TBCK: variants seen among roughly 807,000 people sequenced by gnomAD.
TBCK encodes the protein TBC1 domain containing kinase.
A neutral mutation model predicts 113.4 loss-of-function variants in TBCK; 99 were observed. That is an observed-to-expected ratio of 0.87 (90% CI 0.74 to 1.03). The LOEUF is 1.03. Ranked by LOEUF, TBCK falls within the 50% of genes least tolerant of loss-of-function variation. The pLI, the probability that TBCK is intolerant of heterozygous loss-of-function variation, is 0.00. For synonymous variants in TBCK, 369 were observed against 370.8 expected, an observed-to-expected ratio of 1.00 and a Z score of 0.05; for missense variants, 1,045 against 1,061.3, an observed-to-expected ratio of 0.98 and a Z score of 0.21.
rs1746464894 is a variant in TBCK, at chr4:106,135,620, A to G, written c.2236-19242T>C. Among the ~76,000 whole-genome samples the G allele has an allele frequency of 2.1e-5, 3 of 141,828 alleles. 1 individual carries two copies. The highest frequency in any genetic ancestry group is 4.8e-5 in the Non-Finnish European group (3 of 62,456). The allele number at this position is 141,828 out of a possible 152,430, so 93.0% of individuals were successfully genotyped here. On this transcript the variant is annotated intron_variant, in intron 23 of 25. Transcript: ENST00000394708. ...TAGGGTTTGGAAAAGAAGAAAAGAGAAGGAAGACTGTTGTAGAAGTGGGTT... is the reference window on the plus strand; with the variant it reads ...TAGGGTTTGGAAAAGAAGAAAAGAGGAGGAAGACTGTTGTAGAAGTGGGTT...
intron 25 of TBCK, among the ~76,000 whole-genome samples, chr4:106,072,825 T>C (rs1259901963): frequency 1.3e-5 from 2 of 152,120 alleles, no homozygotes; most frequent in Non-Finnish European, 2.9e-5. Flanking sequence ...AAACTTCTCT[T>C]CTCTCTTCAT....
intron 25 of TBCK, among the ~76,000 whole-genome samples, chr4:106,070,565 G>C (rs1003919335): frequency 6.6e-6 from 1 of 151,964 alleles, no homozygotes; most frequent in Admixed American, 6.6e-5. Flanking sequence ...GAGGATTTTC[G>C]CATGGGTGTT....
At chr4:106,158,261 T>C (rs373571650) in intron 23 of TBCK, among the ~76,000 whole-genome samples, 40 of 152,190 alleles carry the variant, frequency 2.6e-4, no homozygotes, top group African/African-American at 8.9e-4. Context: ...CAGAAAATTG[T>C]ACAACAGGCC....
At chr4:106,113,768 G>T (rs1171134841) in intron 24 of TBCK, among the ~76,000 whole-genome samples, 6 of 152,172 alleles carry the variant, frequency 3.9e-5, no homozygotes, top group Non-Finnish European at 8.8e-5. Flanking sequence ...CAGATAATTT[G>T]TTCCTTCCTA....
upstream of TBCK, chr4:106,316,379 T>C (rs950966425): frequency 5.8e-5 from 37 of 638,018 alleles, no homozygotes; most frequent in Non-Finnish European, 6.9e-5. Flanking sequence ...TTGAAAATAC[T>C]GGGTGAGGGA....
chr4:106,149,031 C>T (rs1023726633), intron 23 of TBCK, among the ~76,000 whole-genome samples: 1 of 152,210 alleles, frequency 6.6e-6, no homozygotes, highest in Non-Finnish European at 1.5e-5. Flanking sequence ...GTTTTGAAGA[C>T]AGTTCTTTTC....
At chr4:106,298,392 G>A (rs1465908970) in intron 2 of TBCK, among the ~76,000 whole-genome samples, 1 of 151,778 alleles carries the variant, frequency 6.6e-6, no homozygotes, top group Non-Finnish European at 1.5e-5. Flanking sequence ...CGGATCACGA[G>A]GTCAGGAGAC....
chr4:106,077,142 G>C (rs1033253220), intron 25 of TBCK, among the ~76,000 whole-genome samples: 7 of 152,046 alleles, frequency 4.6e-5, no homozygotes, highest in African/African-American at 7.2e-5. Flanking sequence ...GATAGCAGTA[G>C]ACCTGTTTTA....
intron 18 of TBCK, 40 bp downstream of exon 18, chr4:106,231,689 T>C (rs755490388): frequency 1.3e-6 from 2 of 1,555,410 alleles, no homozygotes; most frequent in Non-Finnish European, 1.8e-6. Context: ...TATTTTAGAA[T>C]ATTATGCGCA....
chr4:106,281,501 T>C (rs1764591186), intron 3 of TBCK, among the ~76,000 whole-genome samples: 1 of 152,128 alleles, frequency 6.6e-6, no homozygotes, highest in Non-Finnish European at 1.5e-5. Context: ...TTCCAGATCT[T>C]AGTAAAAAGG....
chr4:106,125,941 T>C (rs901997095), intron 23 of TBCK, among the ~76,000 whole-genome samples: 1 of 152,206 alleles, frequency 6.6e-6, no homozygotes, highest in Non-Finnish European at 1.5e-5. Flanking sequence ...ACTTATGGAG[T>C]AAATCTATAT....
intron 23 of TBCK, among the ~76,000 whole-genome samples, chr4:106,142,111 A>G (rs1747201078): frequency 6.9e-6 from 1 of 144,030 alleles, no homozygotes; most frequent in East Asian, 2.0e-4. Flanking sequence ...TGATAAGTAT[A>G]AAAGTTTAAA....
chr4:106,264,727 T>C (rs183289708), intron 3 of TBCK, among the ~76,000 whole-genome samples: 1 of 152,166 alleles, frequency 6.6e-6, no homozygotes, highest in African/African-American at 2.4e-5. Context: ...ACTCTATTTA[T>C]GAAGATTATC....
At chr4:106,220,504 A>G (rs896851210) in intron 19 of TBCK, among the ~76,000 whole-genome samples, 4 of 152,096 alleles carry the variant, frequency 2.6e-5, no homozygotes, top group Admixed American at 2.0e-4. Flanking sequence ...TACATGTCAC[A>G]TATCCTACAC....
chr4:106,152,924 C>T (rs1403238153), intron 23 of TBCK, among the ~76,000 whole-genome samples: 3 of 151,998 alleles, frequency 2.0e-5, no homozygotes, highest in Non-Finnish European at 4.4e-5. Context: ...GTAGTAATGT[C>T]TCCTTTTAAA....
rs1762560983 is a variant in TBCK at position 106,262,097 on chromosome 4, C to T, written c.381+1G>A. On this transcript the variant is annotated splice_donor_variant, in intron 4 of 25. Transcript: ENST00000394708. LOFTEE classifies it high-confidence loss of function. ...TATTTATTACATGATTTAACAATTACCTTTCGGTCCAACAGGATATTATGA... is the reference window on the plus strand; with the variant it reads ...TATTTATTACATGATTTAACAATTATCTTTCGGTCCAACAGGATATTATGA... 1.1e-5 allele frequency: 16 copies of T among 1,499,646 alleles called. No homozygotes were observed. The highest frequency in any genetic ancestry group is 5.0e-5 in the East Asian group (2 of 40,320). The allele number at this position is 1,499,646 out of a possible 1,614,324, so 92.9% of individuals were successfully genotyped here.
chr4:106,096,626 G>C (rs544549984), intron 24 of TBCK, among the ~76,000 whole-genome samples: 19 of 152,324 alleles, frequency 1.2e-4, no homozygotes, highest in African/African-American at 4.1e-4. Flanking sequence ...CCTGAGGAAA[G>C]GGTGAGCCTA....
chr4:106,309,063 A>T, intron 1 of TBCK, 74 bp from the exon 2 acceptor site: 1 of 1,025,362 alleles, frequency 9.8e-7, no homozygotes, highest in Non-Finnish European at 1.4e-6. Context: ...TGATTAACAT[A>T]CAACTTGGAG....
intron 24 of TBCK, among the ~76,000 whole-genome samples, chr4:106,099,849 GA>G (rs1300306404): frequency 1.3e-5 from 2 of 152,226 alleles, no homozygotes; most frequent in African/African-American, 4.8e-5. Flanking sequence ...AATATTGACA[GA>G]GAAAAAATTT....
Sources: allele counts gnomAD v4.1 joint callset (sites outside exome capture counted in the v4.1 genomes callset), GRCh38; gene constraint gnomAD v4.1.1; transcripts MANE v1.5; gene names NCBI Gene and HGNC (gene_info 2026-07-23, HGNC 2026-07-21).